Variants in ADIPOR1 observed in about 807,000 individuals in gnomAD.
ADIPOR1 encodes adiponectin receptor protein 1.
ADIPOR1 carries 15 observed loss-of-function variants against 37.5 expected under a neutral mutation model. That is an observed-to-expected ratio of 0.40 (90% CI 0.27 to 0.62). The LOEUF (loss-of-function observed/expected upper bound fraction) is 0.62, where lower values mean the gene tolerates loss of function less well. Among genes scored for constraint, ADIPOR1 ranks in the 20% least tolerant of loss-of-function variants. The probability of loss-of-function intolerance (pLI) is 0.42; values close to 1 mark genes in which losing one functional copy is unlikely to be tolerated. For synonymous variants in ADIPOR1, 173 were observed against 173.2 expected, an observed-to-expected ratio of 1.00 and a Z score of 0.01; for missense variants, 286 against 478.0, an observed-to-expected ratio of 0.60 and a Z score of 3.75.
intron 1 of ADIPOR1, among the ~76,000 whole-genome samples, chr1:202,951,775 C>A (rs984267350): frequency 6.6e-6 from 1 of 152,172 alleles, no homozygotes; most frequent in African/African-American, 2.4e-5. Context: ...AGCCTGAGTT[C>A]AACCCTGGGA....
intron 2 of ADIPOR1, among the ~76,000 whole-genome samples, chr1:202,949,381 C>A (rs1427064839): frequency 6.6e-6 from 1 of 151,226 alleles, no homozygotes; most frequent in Non-Finnish European, 1.5e-5. Context: ...GAGATCGAGA[C>A]CATCCTGGCT....
intron 4 of ADIPOR1, among the ~76,000 whole-genome samples, chr1:202,946,185 G>A (rs1396000984): frequency 6.6e-6 from 1 of 152,072 alleles, no homozygotes; most frequent in Admixed American, 6.6e-5. Flanking sequence ...ACAAGGAATT[G>A]TCTCCACCTA....
intron 1 of ADIPOR1, among the ~76,000 whole-genome samples, chr1:202,954,074 T>G (rs1654686177): frequency 6.6e-6 from 1 of 152,212 alleles, no homozygotes; most frequent in Middle Eastern, 3.2e-3. Flanking sequence ...TCATTTACTA[T>G]TAGTTCTTCC....
chr1:202,949,262 G>A (rs552518693), intron 2 of ADIPOR1, among the ~76,000 whole-genome samples: 48 of 151,906 alleles, frequency 3.2e-4, no homozygotes, highest in African/African-American at 1.1e-3. Flanking sequence ...GGAAAACAGC[G>A]GTACTGACTC....
intron 4 of ADIPOR1, 33 bp downstream of exon 4, chr1:202,946,406 C>T (rs1278622685): frequency 6.2e-7 from 1 of 1,612,614 alleles, no homozygotes; most frequent in Admixed American, 1.7e-5. Context: ...AGGGAGACAA[C>T]AAATTCCACC....
At chr1:202,952,540 ACT>A (rs1173765774) in intron 1 of ADIPOR1, among the ~76,000 whole-genome samples, 1 of 151,754 alleles carries the variant, frequency 6.6e-6, no homozygotes, top group Non-Finnish European at 1.5e-5. Flanking sequence ...TGACTCCCTA[ACT>A]CTCTCTGTCT....
intron 5 of ADIPOR1, chr1:202,944,149 C>T (rs974317527): frequency 2.0e-6 from 1 of 507,482 alleles, no homozygotes; most frequent in African/African-American, 1.9e-5. Context: ...GGAAAAATCT[C>T]TAAGAATCCC....
At position 202,954,661 on chromosome 1, in the gene ADIPOR1, T is replaced by C. The variant is rs1366618446; in HGVS notation, c.-94-3497A>G. Among the ~76,000 whole-genome samples, 5 of 152,216 alleles carry C rather than the reference T, an allele frequency of 3.3e-5. No homozygotes were observed. In the East Asian group the frequency reaches 5.8e-4, roughly 18 times the overall value. On this transcript the variant is annotated intron_variant, in intron 1 of 7. Coordinates refer to ENST00000340990, the MANE Select transcript of ADIPOR1 (RefSeq NM_015999.6). The stretch of plus-strand genomic sequence containing the variant: ...TCTTCAACTCAAGCTAATAAACCTT[T>C]ACCACTAAGCTTTCCAACTGGGTAA...
At chr1:202,953,277 CA>C (rs759730207) in intron 1 of ADIPOR1, among the ~76,000 whole-genome samples, 7 of 150,388 alleles carry the variant, frequency 4.7e-5, no homozygotes, top group Non-Finnish European at 8.9e-5. Context: ...ATATCACAAG[CA>C]AAAAACATAA....
intron 3 of ADIPOR1, among the ~76,000 whole-genome samples, chr1:202,946,812 TAA>T (rs376398598): frequency 1.6e-4 from 23 of 140,120 alleles, no homozygotes; most frequent in Non-Finnish European, 2.2e-4. Context: ...TTTTGACCAT[TAA>T]AAAAAAAAAA....
At chr1:202,946,169 C>T (rs148004544) in intron 4 of ADIPOR1, among the ~76,000 whole-genome samples, 2 of 152,074 alleles carry the variant, frequency 1.3e-5, no homozygotes, top group East Asian at 1.9e-4. Flanking sequence ...TTGGAAATTA[C>T]GAAGTACAAG....
At chr1:202,942,488 T>C (rs1173225695) in intron 6 of ADIPOR1, among the ~76,000 whole-genome samples, 1 of 152,134 alleles carries the variant, frequency 6.6e-6, no homozygotes, top group Non-Finnish European at 1.5e-5. Context: ...GGAATTTAGG[T>C]AAAAATGGTA....
intron 4 of ADIPOR1, 49 bp from the exon 5 acceptor site, chr1:202,945,218 T>C: frequency 1.4e-6 from 2 of 1,479,792 alleles, no homozygotes; most frequent in Non-Finnish European, 1.8e-6. Context: ...AGGGAATGTG[T>C]ACACTTTGAT....
intron 2 of ADIPOR1, among the ~76,000 whole-genome samples, chr1:202,949,377 G>A (rs1286071282): frequency 3.3e-5 from 5 of 151,428 alleles, no homozygotes; most frequent in Admixed American, 1.3e-4. Context: ...TCAGGAGATC[G>A]AGACCATCCT....
intron 1 of ADIPOR1, among the ~76,000 whole-genome samples, chr1:202,952,948 C>CA (rs1389719571): frequency 6.6e-6 from 1 of 152,214 alleles, no homozygotes; most frequent in Non-Finnish European, 1.5e-5. Flanking sequence ...CCAAGAGAGA[C>CA]AAAAACAATA....
chr1:202,942,462 C>T (rs1228103857), intron 6 of ADIPOR1, among the ~76,000 whole-genome samples: 2 of 152,154 alleles, frequency 1.3e-5, no homozygotes, highest in African/African-American at 4.8e-5. Flanking sequence ...ATCTCATATT[C>T]TTCATTATCT....
chr1:202,941,776 C>T, intron 7 of ADIPOR1, 75 bp from the exon 8 acceptor site: 1 of 1,527,950 alleles, frequency 6.5e-7, no homozygotes, highest in South Asian at 1.2e-5. Context: ...AAAGCATTTG[C>T]TTCTTCTAGT....
At position 202,942,109 on chromosome 1, in the gene ADIPOR1, G is replaced by A; in HGVS notation, c.915C>T (p.Leu305=). The part of the protein sequence containing the change: ...TTVGQMGWFF[L]MAVMYITGAG... ...CTCCAGTGATGTACATCACAGCCAT[G>A]AGGAAGAACCAGCCCATCTGGCCCA... The change falls in exon 7 of 8, where the codon CTC becomes CTT. Residue 305 remains leucine (L), a synonymous_variant. Transcript: ENST00000340990. The A allele has an allele frequency of 6.2e-7, 1 of 1,614,200 alleles. No individual in the cohort carries two copies.
intron 6 of ADIPOR1, 49 bp from the exon 7 acceptor site, chr1:202,942,267 T>G: frequency 6.6e-7 from 1 of 1,514,762 alleles, no homozygotes; most frequent in Non-Finnish European, 9.0e-7. Flanking sequence ...AGCCACCGCA[T>G]GGAAGGCACT....
Sources: gnomAD v4.1 joint callset for allele counts (sites outside exome capture counted in the v4.1 genomes callset) on GRCh38, gnomAD v4.1.1 for gene constraint, MANE v1.5 for transcripts, NCBI Gene and HGNC (gene_info 2026-07-23, HGNC 2026-07-21) for gene names.